The following NEXMIF variants were observed in gnomAD, a reference collection of about 807,000 sequenced individuals.
NEXMIF encodes the protein XLMR protein related to neurite extension.
Under a neutral mutation model 62.1 loss-of-function variants are expected in NEXMIF, and 8 were observed. The observed-to-expected ratio is 0.13, with a 90% CI of 0.08 to 0.23. The LOEUF (loss-of-function observed/expected upper bound fraction) is 0.23, where lower values mean the gene tolerates loss of function less well. NEXMIF is among the 10% of genes least tolerant of loss of function. The pLI is 1.00. For missense variants in NEXMIF, 976 were observed against 1,113.3 expected (o/e 0.88, Z 1.75); for synonymous variants, 404 against 416.6 (o/e 0.97, Z 0.37).
intron 1 of NEXMIF, among the ~76,000 whole-genome samples, chrX:74,794,799 C>A (rs1474620429): frequency 1.8e-5 from 2 of 112,035 alleles, no homozygotes; most frequent in Non-Finnish European, 3.8e-5. Flanking sequence ...ACCCCTTGCG[C>A]TTCCCAAGTG....
chrX:74,917,777 T>C, intron 1 of NEXMIF, among the ~76,000 whole-genome samples: 1 of 110,964 alleles, frequency 9.0e-6, no homozygotes, highest in Non-Finnish European at 1.9e-5. Context: ...CAGAGAGAGG[T>C]AGAGGCAGAT....
intron 1 of NEXMIF, among the ~76,000 whole-genome samples, chrX:74,773,945 C>T (rs1028147877): frequency 1.0e-5 from 1 of 98,878 alleles, no homozygotes; most frequent in African/African-American, 3.7e-5. Flanking sequence ...AATAAGAAAA[C>T]GAGAGAAGAG....
chrX:74,905,261 C>A (rs955736572), intron 1 of NEXMIF, among the ~76,000 whole-genome samples: 2 of 111,147 alleles, frequency 1.8e-5, no homozygotes, highest in African/African-American at 3.3e-5. Flanking sequence ...TTTAAAAACA[C>A]ACAGACAAGC....
chrX:74,780,710 A>G (rs1237649117), intron 1 of NEXMIF, among the ~76,000 whole-genome samples: 1 of 112,038 alleles, frequency 8.9e-6, no homozygotes, highest in Non-Finnish European at 1.9e-5. Context: ...CTTATAGGCT[A>G]TAAAATATTT....
chrX:74,811,640 T>G (rs1184939458), intron 1 of NEXMIF, among the ~76,000 whole-genome samples: 1 of 112,821 alleles, frequency 8.9e-6, no homozygotes, highest in Non-Finnish European at 1.9e-5. Flanking sequence ...GTTTACCTGC[T>G]GTGGGCAAAA....
chrX:74,764,508 T>G (rs2080188768), intron 1 of NEXMIF, among the ~76,000 whole-genome samples: 1 of 112,169 alleles, frequency 8.9e-6, no homozygotes, highest in African/African-American at 3.2e-5. Context: ...GGATTCCCTC[T>G]TTTTCTGTTG....
At chrX:74,750,299 T>G (rs1057331086) in intron 1 of NEXMIF, among the ~76,000 whole-genome samples, 4 of 111,655 alleles carry the variant, frequency 3.6e-5, no homozygotes, top group Non-Finnish European at 7.5e-5. Flanking sequence ...AGTTAATAGA[T>G]GACTGTGAAA....
intron 1 of NEXMIF, among the ~76,000 whole-genome samples, chrX:74,873,843 G>GT (rs1396923041): frequency 1.8e-5 from 2 of 110,940 alleles, no homozygotes; most frequent in South Asian, 7.7e-4. Context: ...GGGGTTGTTT[G>GT]TTTTTTTCTT....
chrX:74,874,690 C>T (rs747501436), intron 1 of NEXMIF, among the ~76,000 whole-genome samples: 2 of 91,881 alleles, frequency 2.2e-5, no homozygotes, highest in African/African-American at 8.3e-5. Context: ...TTGTAGTTCT[C>T]CTTGAAGAGG....
chrX:74,881,124 C>A (rs2080661048), intron 1 of NEXMIF, among the ~76,000 whole-genome samples: 1 of 111,062 alleles, frequency 9.0e-6, no homozygotes, highest in African/African-American at 3.3e-5. Flanking sequence ...GAATTGAGGC[C>A]TATAAAGTTT....
At chrX:74,777,792 T>C (rs2080232918) in intron 1 of NEXMIF, among the ~76,000 whole-genome samples, 1 of 111,594 alleles carries the variant, frequency 9.0e-6, no homozygotes, top group Non-Finnish European at 1.9e-5. Flanking sequence ...GCCAGCAGGA[T>C]TGGGGCTTAG....
intron 1 of NEXMIF, among the ~76,000 whole-genome samples, chrX:74,903,638 C>G (rs1306041638): frequency 9.0e-6 from 1 of 111,440 alleles, no homozygotes; most frequent in African/African-American, 3.3e-5. Context: ...CTTTCAAGAC[C>G]CAAGACCAAG....
At chrX:74,860,783 T>G (rs1465417256) in intron 1 of NEXMIF, among the ~76,000 whole-genome samples, 1 of 111,457 alleles carries the variant, frequency 9.0e-6, no homozygotes, top group Non-Finnish European at 1.9e-5. Flanking sequence ...GCTATAAGTG[T>G]GTACATCAAA....
At chrX:74,917,495 G>A (rs773543487) in intron 1 of NEXMIF, among the ~76,000 whole-genome samples, 7 of 112,056 alleles carry the variant, frequency 6.2e-5, no homozygotes, top group East Asian at 2.8e-4. Flanking sequence ...ACTGCAAGGC[G>A]CAGATGTGGC....
At chrX:74,745,512 A>G in intron 2 of NEXMIF, 60 bp downstream of exon 2, 1 of 836,008 alleles carries the variant, frequency 1.2e-6, no homozygotes. Context: ...CTGAAAATCC[A>G]TAGTAATAAC....
At position 74,738,527 on chromosome X, in the gene NEXMIF, T is replaced by C. The variant is rs2080091715; in HGVS notation, c.*878A>G. On this transcript the variant is annotated 3_prime_UTR_variant, in exon 4 of 4. Coordinates refer to ENST00000055682, the MANE Select transcript of NEXMIF (RefSeq NM_001008537.3). ...TATTTTTATAATTTATCCCAGACTA[T>C]TATAAAATATATAAAACTGAGATAT... The C allele has an allele frequency of 8.9e-6, 1 of 111,873 alleles. No homozygotes were observed. Among genetic ancestry groups the C allele is most frequent in the East Asian group, 2.8e-4 (1 of 3,580 alleles). The allele number at this position is 111,873 out of a possible 1,213,427, so 9.2% of individuals were successfully genotyped here. A position where few individuals can be genotyped will look rare whatever the true frequency, so the allele number is the denominator to read the frequency against.
chrX:74,883,558 G>A lies in NEXMIF; in HGVS notation c.-48+41325C>T, dbSNP rs193135663. 7.5e-3 allele frequency among the ~76,000 whole-genome samples: 842 copies of A among 111,607 alleles called. 4 individuals carry two copies. Among genetic ancestry groups the A allele is most frequent in the Non-Finnish European group, 0.013 (690 of 53,167 alleles). ...AGAAAGGGTATCAGCGATGGAAGACGAAATGAATGAAATGAAGTGTGAAGA... is the reference window on the plus strand; with the variant it reads ...AGAAAGGGTATCAGCGATGGAAGACAAAATGAATGAAATGAAGTGTGAAGA... On this transcript the variant is annotated intron_variant, in intron 1 of 3. Transcript: ENST00000055682.
intron 1 of NEXMIF, among the ~76,000 whole-genome samples, chrX:74,799,505 C>T (rs757962398): frequency 1.2e-4 from 14 of 112,255 alleles, no homozygotes; most frequent in Non-Finnish European, 2.3e-4. Context: ...AGTAGCCCCA[C>T]GCTATTTACC....
In NEXMIF at chrX:74,770,448, G is replaced by A. The variant is rs781683729; in HGVS notation, c.-47-24751C>T. Among the ~76,000 whole-genome samples, 15 of 112,112 alleles carry A rather than the reference G, an allele frequency of 1.3e-4. 1 individual carries two copies. The South Asian group carries it at 2.9e-3, about 22-fold the overall frequency. On this transcript the variant is annotated intron_variant, in intron 1 of 3. Transcript: ENST00000055682. ...CTGGAAATAGAAAGTAAATAGATATGTATGTTTCTTTTTGTCATTGGCATA... is the reference window on the plus strand; with the variant it reads ...CTGGAAATAGAAAGTAAATAGATATATATGTTTCTTTTTGTCATTGGCATA...
Sources: gnomAD v4.1 joint callset for allele counts (sites outside exome capture counted in the v4.1 genomes callset) on GRCh38, gnomAD v4.1.1 for gene constraint, MANE v1.5 for transcripts, NCBI Gene and HGNC (gene_info 2026-07-23, HGNC 2026-07-21) for gene names.